The following DPP6 variants were observed in gnomAD, a reference collection of about 807,000 sequenced individuals.
DPP6 encodes A-type potassium channel modulatory protein DPP6.
DPP6 carries 69 observed loss-of-function variants against 122.6 expected under a neutral mutation model. The ratio of observed to expected loss-of-function variants is 0.56; its 90% CI spans 0.46 to 0.69. The LOEUF (loss-of-function observed/expected upper bound fraction) is 0.69, where lower values mean the gene tolerates loss of function less well. Among genes scored for constraint, DPP6 ranks in the 30% least tolerant of loss-of-function variants. DPP6 has a pLI of 0.00. For synonymous variants in DPP6, 418 were observed against 433.1 expected (o/e 0.97, Z 0.43); for missense variants, 928 against 1,116.9 (o/e 0.83, Z 2.41).
chr7:154,881,580 T>C (rs983021267), intron 21 of DPP6, among the ~76,000 whole-genome samples: 2 of 152,182 alleles, frequency 1.3e-5, no homozygotes, highest in Admixed American at 1.3e-4. Context: ...TATAGACCCA[T>C]CTTCCCTCTG....
intron 1 of DPP6, among the ~76,000 whole-genome samples, chr7:154,423,686 A>G (rs561623154): frequency 1.3e-5 from 2 of 152,364 alleles, no homozygotes; most frequent in South Asian, 4.1e-4. Flanking sequence ...ACAAAAAGGA[A>G]TAAGCAAACT....
chr7:154,360,810 C>T (rs1811659933), intron 1 of DPP6, among the ~76,000 whole-genome samples: 1 of 152,184 alleles, frequency 6.6e-6, no homozygotes, highest in Non-Finnish European at 1.5e-5. Flanking sequence ...ATTGCCCTCG[C>T]CCACCAGAAT....
chr7:154,645,307 C>T (rs920365614), intron 6 of DPP6, among the ~76,000 whole-genome samples: 12 of 152,146 alleles, frequency 7.9e-5, no homozygotes, highest in Admixed American at 2.0e-4. Context: ...CCTCGTGACC[C>T]GCCCGCCTCG....
At chr7:154,182,798 C>T (rs926331354) in intron 1 of DPP6, among the ~76,000 whole-genome samples, 1 of 152,154 alleles carries the variant, frequency 6.6e-6, no homozygotes, top group Non-Finnish European at 1.5e-5. Flanking sequence ...GCAAAACCAC[C>T]TGCTGTGGGA....
intron 21 of DPP6, chr7:154,884,275 CAT>C (rs1563324909): frequency 6.7e-6 from 1 of 149,578 alleles, no homozygotes; most frequent in Non-Finnish European, 1.5e-5. Context: ...CACACATACA[CAT>C]ACATGCTCAC....
chr7:154,646,415 G>A (rs117346925), intron 6 of DPP6, among the ~76,000 whole-genome samples: 3,284 of 151,976 alleles, frequency 0.022, 49 homozygotes, highest in Admixed American at 0.034. Flanking sequence ...CCCACCACAC[G>A]AGCCCCCTCC....
chr7:154,855,604 ACC>A (rs1802768764), intron 17 of DPP6, among the ~76,000 whole-genome samples: 4 of 152,022 alleles, frequency 2.6e-5, no homozygotes, highest in Non-Finnish European at 5.9e-5. Context: ...CACTGCATCC[ACC>A]CACCCTCTGC....
At chr7:154,101,800 C>T (rs370502715) in intron 1 of DPP6, among the ~76,000 whole-genome samples, 358 of 151,208 alleles carry the variant, frequency 2.4e-3, no homozygotes, top group African/African-American at 7.9e-3. Context: ...CTGTGGCGGG[C>T]GCATGTAATC....
intron 1 of DPP6, among the ~76,000 whole-genome samples, chr7:154,217,860 C>G (rs1367801147): frequency 1.3e-5 from 2 of 152,150 alleles, no homozygotes; most frequent in Non-Finnish European, 2.9e-5. Context: ...TTCCTCCACG[C>G]TGCCCAAGCC....
intron 1 of DPP6, among the ~76,000 whole-genome samples, chr7:154,142,230 A>G (rs3115141): frequency 0.78 from 116,554 of 149,614 alleles, 45,710 homozygotes; most frequent in Middle Eastern, 0.86. Flanking sequence ...GAGAATATAA[A>G]TGGGCAAATA....
At chr7:154,843,705 A>G (rs1288117669) in intron 16 of DPP6, among the ~76,000 whole-genome samples, 1 of 152,214 alleles carries the variant, frequency 6.6e-6, no homozygotes, top group Non-Finnish European at 1.5e-5. Context: ...TGCTCTTACT[A>G]AAAGTAGACC....
At chr7:153,815,795 T>C in the DPP6 span, among the ~76,000 whole-genome samples, 3 of 152,210 alleles carry the variant, frequency 2.0e-5, no homozygotes, top group African/African-American at 7.2e-5. Context: ...TGTGTTTCAT[T>C]ATAACCGAAG....
At chr7:154,173,417 C>T (rs1055522222) in intron 1 of DPP6, among the ~76,000 whole-genome samples, 14 of 152,160 alleles carry the variant, frequency 9.2e-5, no homozygotes, top group African/African-American at 3.1e-4. Context: ...CTGGACAAGT[C>T]GAGCAGATCC....
intron 1 of DPP6, among the ~76,000 whole-genome samples, chr7:153,905,370 G>C (rs773061435): frequency 2.0e-4 from 31 of 152,220 alleles, no homozygotes; most frequent in Admixed American, 9.2e-4. Flanking sequence ...AGAAATGTTT[G>C]CTTCTGAGGC....
chr7:154,840,182 C>A (rs1801407207), intron 16 of DPP6, among the ~76,000 whole-genome samples: 1 of 152,204 alleles, frequency 6.6e-6, no homozygotes, highest in Admixed American at 6.5e-5. Flanking sequence ...ACCTGGTCAT[C>A]CCCATTGCTT....
In DPP6 at chr7:154,052,495, A is replaced by G. The variant is rs1563134426; in HGVS notation, c.-326A>G. 1.7e-5 allele frequency: 7 copies of G among 420,922 alleles called. No individual in the cohort carries two copies. Among genetic ancestry groups the G allele is most frequent in the Non-Finnish European group, 2.0e-5 (6 of 301,332 alleles). 26.1% of individuals were successfully genotyped at this position (420,922 alleles called of 1,614,324 possible). A position where few individuals can be genotyped will look rare whatever the true frequency, so the allele number is the denominator to read the frequency against. On this transcript the variant is annotated 5_prime_UTR_variant, in exon 1 of 26. Coordinates refer to ENST00000377770, the MANE Select transcript of DPP6 (RefSeq NM_130797.4). The surrounding 1 kb of genome is among the most constrained non-coding windows in gnomAD (Gnocchi z 4.8). ...TTTTTTTCTTCCTTCAATCTCTTTG[A>G]TTAGGCCGTACGTGGCTGTGGCAAG...
chr7:154,211,521 C>T (rs1038733497), intron 1 of DPP6, among the ~76,000 whole-genome samples: 1 of 152,228 alleles, frequency 6.6e-6, no homozygotes, highest in Non-Finnish European at 1.5e-5. Flanking sequence ...AAAGAGTGAA[C>T]ATCCTGCTCT....
At chr7:154,883,090 C>A (rs989171548) in intron 21 of DPP6, among the ~76,000 whole-genome samples, 1 of 151,216 alleles carries the variant, frequency 6.6e-6, no homozygotes, top group Non-Finnish European at 1.5e-5. Flanking sequence ...TACACCTGCT[C>A]ACCCATACAC....
chr7:153,950,619 G>C (rs1304764318), intron 1 of DPP6, among the ~76,000 whole-genome samples: 1 of 152,212 alleles, frequency 6.6e-6, no homozygotes, highest in Admixed American at 6.5e-5. Context: ...AAGATTGGCA[G>C]CCCCTTAGGC....
Sources: gnomAD v4.1 joint callset for allele counts (sites outside exome capture counted in the v4.1 genomes callset) on GRCh38, gnomAD v4.1.1 for gene constraint, Gnocchi (gnomAD v3.1) non-coding constraint, MANE v1.5 for transcripts, NCBI Gene and HGNC (gene_info 2026-07-23, HGNC 2026-07-21) for gene names.